Variants in ROBO1 observed in about 807,000 individuals in gnomAD.
ROBO1 encodes roundabout guidance receptor 1, also known as roundabout homolog 1.
ROBO1 carries 149 observed loss-of-function variants against 195.9 expected under a neutral mutation model. That is an observed-to-expected ratio of 0.76 (90% CI 0.67 to 0.87). The LOEUF is 0.87. Ranked by LOEUF, ROBO1 falls within the 40% of genes least tolerant of loss-of-function variation. The pLI is 0.00. For missense variants in ROBO1, 1,933 were observed against 2,068.3 expected (o/e 0.93, Z 1.27); for synonymous variants, 816 against 733.2 (o/e 1.11, Z -1.82).
chr3:79,581,399 T>C (rs1336883533), intron 2 of ROBO1, among the ~76,000 whole-genome samples: 1 of 152,124 alleles, frequency 6.6e-6, no homozygotes, highest in Non-Finnish European at 1.5e-5. Flanking sequence ...ATCATCAAAG[T>C]AGAATAATCC....
At chr3:78,985,442 T>C (rs556563829) in intron 3 of ROBO1, among the ~76,000 whole-genome samples, 20 of 152,174 alleles carry the variant, frequency 1.3e-4, no homozygotes, top group Non-Finnish European at 2.9e-5. Flanking sequence ...TATTAGTAAT[T>C]ACATTTTCAA....
chr3:78,822,919 C>T (rs181537980), intron 4 of ROBO1, among the ~76,000 whole-genome samples: 6 of 152,310 alleles, frequency 3.9e-5, no homozygotes, highest in Non-Finnish European at 8.8e-5. Flanking sequence ...TGTCAATTTT[C>T]CCTCAGACTG....
intron 4 of ROBO1, among the ~76,000 whole-genome samples, chr3:78,817,425 A>C (rs2030185108): frequency 6.6e-6 from 1 of 152,150 alleles, no homozygotes; most frequent in Non-Finnish European, 1.5e-5. Context: ...TGGAATACAA[A>C]AAAAAATTCA....
intron 28 of ROBO1, among the ~76,000 whole-genome samples, chr3:78,614,170 A>C (rs1007802394): frequency 6.6e-6 from 1 of 152,194 alleles, no homozygotes; most frequent in African/African-American, 2.4e-5. Flanking sequence ...GGCATGAAGA[A>C]AGGTGATTTA....
intron 1 of ROBO1, among the ~76,000 whole-genome samples, chr3:79,689,064 CTGA>C: frequency 6.6e-6 from 1 of 151,844 alleles, no homozygotes; most frequent in Non-Finnish European, 1.5e-5. Flanking sequence ...CTTTAACTTA[CTGA>C]ACACGCGTTT....
chr3:79,562,297 AAAG>A (rs1372159656), intron 2 of ROBO1, among the ~76,000 whole-genome samples: 2 of 152,186 alleles, frequency 1.3e-5, no homozygotes, highest in African/African-American at 2.4e-5. Context: ...CACATACAAC[AAAG>A]AAGAAGAAAA....
chr3:78,802,744 CATCATCAAT>C (rs1191422230), intron 4 of ROBO1, among the ~76,000 whole-genome samples: 15 of 149,544 alleles, frequency 1.0e-4, no homozygotes, highest in South Asian at 2.1e-4. Flanking sequence ...TCATCATCAT[CATCATCAAT>C]AACATTATCA....
At chr3:79,505,621 T>G (rs1327633451) in intron 2 of ROBO1, among the ~76,000 whole-genome samples, 1 of 152,160 alleles carries the variant, frequency 6.6e-6, no homozygotes, top group East Asian at 1.9e-4. Flanking sequence ...AAGCTTACAA[T>G]ACTTTGCAGT....
chr3:78,609,420 C>G (rs575248699), intron 28 of ROBO1, among the ~76,000 whole-genome samples: 2 of 152,182 alleles, frequency 1.3e-5, no homozygotes, highest in Admixed American at 1.3e-4. Context: ...TATAAAATGG[C>G]CACACCTGGG....
At chr3:78,985,165 T>C (rs1295669374) in intron 3 of ROBO1, among the ~76,000 whole-genome samples, 3 of 152,006 alleles carry the variant, frequency 2.0e-5, no homozygotes, top group Non-Finnish European at 2.9e-5. Context: ...AATAGCATGG[T>C]GGTGCATGCC....
chr3:79,641,651 A>C (rs563239323), intron 1 of ROBO1, among the ~76,000 whole-genome samples: 1 of 151,842 alleles, frequency 6.6e-6, no homozygotes, highest in Non-Finnish European at 1.5e-5. Context: ...TCAAAATAGA[A>C]GTTTAAGGGA....
chr3:79,146,038 CA>C (rs33941210), intron 2 of ROBO1, among the ~76,000 whole-genome samples: 43 of 147,904 alleles, frequency 2.9e-4, no homozygotes, highest in African/African-American at 4.9e-4. Flanking sequence ...ATAAAGAAAG[CA>C]AAAAAAAAAA....
intron 2 of ROBO1, among the ~76,000 whole-genome samples, chr3:79,250,725 A>C (rs1344403745): frequency 3.3e-5 from 5 of 152,184 alleles, no homozygotes; most frequent in Non-Finnish European, 7.3e-5. Flanking sequence ...TAATAATTTT[A>C]ATATATAAAC....
chr3:79,306,366 T>C (rs1204376714), intron 2 of ROBO1, among the ~76,000 whole-genome samples: 1 of 149,724 alleles, frequency 6.7e-6, no homozygotes, highest in Non-Finnish European at 1.5e-5. Context: ...TTGAGCTCTT[T>C]CCTTCTCAAG....
chr3:79,003,316 T>C (rs888799936), intron 3 of ROBO1, among the ~76,000 whole-genome samples: 2 of 152,136 alleles, frequency 1.3e-5, no homozygotes, highest in Non-Finnish European at 2.9e-5. Context: ...GGAGATTAAA[T>C]TATTTTTAAA....
intron 2 of ROBO1, among the ~76,000 whole-genome samples, chr3:79,489,993 C>T (rs1394945620): frequency 1.3e-5 from 2 of 152,184 alleles, no homozygotes; most frequent in African/African-American, 2.4e-5. Flanking sequence ...TTGAAAGAGA[C>T]TCCTTTAGGG....
intron 2 of ROBO1, among the ~76,000 whole-genome samples, chr3:79,185,575 A>T (rs2081422292): frequency 6.6e-6 from 1 of 152,140 alleles, no homozygotes; most frequent in African/African-American, 2.4e-5. Context: ...AACAGTTGAG[A>T]TTAGAAATAG....
At chr3:79,370,798 C>T (rs371453251) in intron 2 of ROBO1, among the ~76,000 whole-genome samples, 1 of 152,044 alleles carries the variant, frequency 6.6e-6, no homozygotes, top group Non-Finnish European at 1.5e-5. Flanking sequence ...TTAAGCCCTG[C>T]ATGCATTACA....
chr3:79,614,767 T>A (rs1944767416), intron 1 of ROBO1, among the ~76,000 whole-genome samples: 1 of 152,094 alleles, frequency 6.6e-6, no homozygotes, highest in Non-Finnish European at 1.5e-5. Flanking sequence ...TAGCATCAAT[T>A]TTTCTCAAAT....
Sources: gnomAD v4.1 joint callset for allele counts (sites outside exome capture counted in the v4.1 genomes callset) on GRCh38, gnomAD v4.1.1 for gene constraint, MANE v1.5 for transcripts, NCBI Gene and HGNC (gene_info 2026-07-23, HGNC 2026-07-21) for gene names.